PIK3R5: variants seen among roughly 807,000 people sequenced by gnomAD.
PIK3R5 encodes the protein phosphoinositide 3-kinase regulatory subunit 5.
In PIK3R5, 32 loss-of-function variants were observed where a neutral mutation model predicts 94.9. The ratio of observed to expected loss-of-function variants is 0.34; its 90% CI spans 0.25 to 0.45. The LOEUF (loss-of-function observed/expected upper bound fraction) is 0.45. Among genes scored for constraint, PIK3R5 ranks in the 20% least tolerant of loss-of-function variants. The probability of loss-of-function intolerance (pLI) is 1.00; values close to 1 mark genes in which losing one functional copy is unlikely to be tolerated. For missense variants in PIK3R5, 853 were observed against 1,144.6 expected, an observed-to-expected ratio of 0.75 and a Z score of 3.68; for synonymous variants, 443 against 479.4, an observed-to-expected ratio of 0.92 and a Z score of 0.99.
intron 1 of PIK3R5, among the ~76,000 whole-genome samples, chr17:8,938,993 A>G (rs913791978): frequency 6.6e-6 from 1 of 152,190 alleles, no homozygotes; most frequent in Non-Finnish European, 1.5e-5. Flanking sequence ...ATCCTGCTTG[A>G]GTCTTGTGGG....
intron 1 of PIK3R5, among the ~76,000 whole-genome samples, chr17:8,940,551 T>C (rs2091159466): frequency 6.6e-6 from 1 of 151,712 alleles, no homozygotes; most frequent in Non-Finnish European, 1.5e-5. Flanking sequence ...TTTTTGTTTG[T>C]TTGTTTTTTG....
intron 1 of PIK3R5, among the ~76,000 whole-genome samples, chr17:8,963,103 A>G (rs1235590621): frequency 1.3e-5 from 2 of 151,508 alleles, no homozygotes; most frequent in African/African-American, 4.9e-5. Flanking sequence ...TTGGCTTCCC[A>G]AAGTGCTGGG....
chr17:8,932,469 C>T (rs189853412), intron 1 of PIK3R5, among the ~76,000 whole-genome samples: 7 of 151,984 alleles, frequency 4.6e-5, no homozygotes, highest in East Asian at 1.9e-4. Context: ...TCCTGACCTC[C>T]GGTGATCTGC....
chr17:8,894,339 C>T (rs1471071159), intron 5 of PIK3R5, among the ~76,000 whole-genome samples: 1 of 152,190 alleles, frequency 6.6e-6, no homozygotes, highest in Non-Finnish European at 1.5e-5. Flanking sequence ...GGGGTGCCTT[C>T]CCGCTATGCC....
chr17:8,963,668 G>C (rs544425780), intron 1 of PIK3R5, among the ~76,000 whole-genome samples: 1 of 152,030 alleles, frequency 6.6e-6, no homozygotes, highest in Non-Finnish European at 1.5e-5. Flanking sequence ...TTCTCGAGTA[G>C]CTGGGCAACC....
At chr17:8,952,353 G>A (rs943385455) in intron 1 of PIK3R5, among the ~76,000 whole-genome samples, 17 of 152,240 alleles carry the variant, frequency 1.1e-4, no homozygotes, top group African/African-American at 3.9e-4. Flanking sequence ...GTTACAGCTG[G>A]TGGATTTCCC....
At position 8,888,743 on chromosome 17, in the gene PIK3R5, G is replaced by C; in HGVS notation, c.1044C>G (p.Ser348=). Residue 348 remains serine (S), a synonymous_variant, in exon 10 of 19, where the codon TCC becomes TCG. Transcript: ENST00000447110. The surrounding 1 kb of genome is among the most constrained non-coding windows in gnomAD (Gnocchi z 7.8). ...GHCAERDSLL[S]TSSLASHDST... Reference sequence around the variant, plus strand: ...AGTCATGGGACGCCAAAGAGCTGGTGGAGAGCAGGGAATCTCTCTCGGCAC... The same window carrying C: ...AGTCATGGGACGCCAAAGAGCTGGTCGAGAGCAGGGAATCTCTCTCGGCAC... 2 of 1,613,634 alleles carry C rather than the reference G, an allele frequency of 1.2e-6. No individual in the cohort carries two copies. The highest frequency in any genetic ancestry group is 1.7e-6 in the Non-Finnish European group (2 of 1,179,994).
intron 1 of PIK3R5, among the ~76,000 whole-genome samples, chr17:8,954,022 G>A (rs530572170): frequency 3.3e-5 from 5 of 151,050 alleles, no homozygotes; most frequent in Admixed American, 1.3e-4. Flanking sequence ...AATTTCCACC[G>A]CTCTCCCCTT....
At position 8,917,617 on chromosome 17, in the gene PIK3R5, G is replaced by T. The variant is rs997907239; in HGVS notation, c.-13-6110C>A. Among the ~76,000 whole-genome samples the T allele has an allele frequency of 3.3e-5, 5 of 152,336 alleles. No individual in the cohort carries two copies. The East Asian group carries it at 9.6e-4, about 29-fold the overall frequency. On this transcript the variant is annotated intron_variant, in intron 1 of 18. Transcript: ENST00000447110. ...ATGGTGACTCATGCCTGTAATCCCAGCACTTTGGGAGGCCAACGCGGGTGG... is the reference window on the plus strand; with the variant it reads ...ATGGTGACTCATGCCTGTAATCCCATCACTTTGGGAGGCCAACGCGGGTGG...
chr17:8,893,774 C>T lies in PIK3R5; in HGVS notation c.413-119G>A, dbSNP rs1368679607. 3 of 738,626 alleles carry T rather than the reference C, an allele frequency of 4.1e-6. No individual in the cohort carries two copies. The highest frequency in any genetic ancestry group is 2.1e-5 in the Admixed American group (1 of 47,668). The allele number at this position is 738,626 out of a possible 1,614,324, so 45.8% of individuals were successfully genotyped here. A position where few individuals can be genotyped will look rare whatever the true frequency, so the allele number is the denominator to read the frequency against. The stretch of plus-strand genomic sequence containing the variant: ...TGGAAATTCCCGGATGGAGCTCAGG[C>T]GAACCTGCAGAGAAGCTGTTCTGTG... On this transcript the variant is annotated intron_variant, in intron 5 of 18. Transcript: ENST00000447110. The surrounding 1 kb of genome is among the most constrained non-coding windows in gnomAD (Gnocchi z 5.1).
At position 8,896,978 on chromosome 17, in the gene PIK3R5, C is replaced by G. The variant is rs190555652; in HGVS notation, c.413-3323G>C. Among the ~76,000 whole-genome samples the G allele has an allele frequency of 1.5e-3, 229 of 152,310 alleles. No homozygotes were observed. The highest frequency in any genetic ancestry group is 2.8e-3 in the Non-Finnish European group (192 of 68,036). The stretch of plus-strand genomic sequence containing the variant: ...ATGATTAATATCAACTCATGGTGGA[C>G]AGTTTGACCTACCTCATACCCTGAA... On this transcript the variant is annotated intron_variant, in intron 5 of 18. Transcript: ENST00000447110. The surrounding 1 kb of genome is among the most constrained non-coding windows in gnomAD (Gnocchi z 4.0).
intron 5 of PIK3R5, among the ~76,000 whole-genome samples, chr17:8,900,498 C>T (rs1018389170): frequency 2.0e-5 from 3 of 152,214 alleles, no homozygotes; most frequent in Non-Finnish European, 2.9e-5. Flanking sequence ...AGGTTCCTGC[C>T]ATGGGTACTT....
intron 14 of PIK3R5, 100 bp downstream of exon 14, chr17:8,886,129 C>T: frequency 1.1e-6 from 1 of 883,522 alleles, no homozygotes; most frequent in Non-Finnish European, 1.8e-6. Flanking sequence ...ACCCCACCTT[C>T]CCATGGCCCC....
rs762745491 is a variant in PIK3R5 at position 8,887,551 on chromosome 17, C to T, written c.1749G>A (p.Pro583=). The T allele has an allele frequency of 9.0e-5, 145 of 1,607,546 alleles. No individual in the cohort carries two copies. The highest frequency in any genetic ancestry group is 1.1e-4 in the Non-Finnish European group (132 of 1,177,360). The part of the protein sequence containing the change: ...PPPRSQTPSP[P]TDSPRHASPG... ...GGCTGGCGTGCCTAGGGGAGTCTGTCGGGGGTGAGGGCGTCTGGCTCCGAG... is the reference window on the plus strand; with the variant it reads ...GGCTGGCGTGCCTAGGGGAGTCTGTTGGGGGTGAGGGCGTCTGGCTCCGAG... The change falls in exon 11 of 19, where the codon CCG becomes CCA. Residue 583 remains proline, a synonymous_variant. Coordinates refer to ENST00000447110, the MANE Select transcript of PIK3R5 (RefSeq NM_001142633.3).
chr17:8,905,831 CTTTTTT>C, intron 3 of PIK3R5, 94 bp from the exon 4 acceptor site: 2 of 381,346 alleles, frequency 5.2e-6, no homozygotes, highest in Non-Finnish European at 4.5e-6. Flanking sequence ...TCTAGCCTTT[CTTTTTT>C]TTTTTTTTTT....
intron 14 of PIK3R5, 60 bp downstream of exon 14, chr17:8,886,169 C>A: frequency 7.7e-7 from 1 of 1,306,054 alleles, no homozygotes; most frequent in Non-Finnish European, 1.1e-6. Context: ...CTCCACAGAG[C>A]TCCACGTTTC....
rs1369770528 is a variant in PIK3R5 at position 8,889,341 on chromosome 17, G to A, written c.812-119C>T. 3 of 722,118 alleles carry A rather than the reference G, an allele frequency of 4.2e-6. No homozygotes were observed. Among genetic ancestry groups the A allele is most frequent in the Non-Finnish European group, 6.8e-6 (3 of 439,072 alleles). 44.7% of individuals were successfully genotyped at this position (722,118 alleles called of 1,614,324 possible). On this transcript the variant is annotated intron_variant, in intron 8 of 18. Transcript: ENST00000447110. The surrounding 1 kb of genome is among the most constrained non-coding windows in gnomAD (Gnocchi z 4.1). ...TGGGACAGGATCGGCACAAGGATAT[G>A]TAGCTGGATAGGCTGAGGCTGAGTT...
At position 8,955,552 on chromosome 17, in the gene PIK3R5, T is replaced by A. The variant is rs1033221781; in HGVS notation, c.-14+10044A>T. 2.6e-5 allele frequency among the ~76,000 whole-genome samples: 4 copies of A among 152,114 alleles called. No individual in the cohort carries two copies. The East Asian group carries it at 7.7e-4, about 29-fold the overall frequency. ...ATCAAAGTATCTGAACACAGTGACA[T>A]AGAAGTTTTCATAAGAAGAATCTCC... On this transcript the variant is annotated intron_variant, in intron 1 of 18. Transcript: ENST00000447110. The surrounding 1 kb of genome is among the most constrained non-coding windows in gnomAD (Gnocchi z 4.4).
At chr17:8,923,007 G>T (rs899032126) in intron 1 of PIK3R5, among the ~76,000 whole-genome samples, 1 of 152,200 alleles carries the variant, frequency 6.6e-6, no homozygotes, top group South Asian at 2.1e-4. Flanking sequence ...GAAGACCACA[G>T]TTGTGGTCAA....
Sources: gnomAD v4.1 joint callset for allele counts (sites outside exome capture counted in the v4.1 genomes callset) on GRCh38, gnomAD v4.1.1 for gene constraint, Gnocchi (gnomAD v3.1) non-coding constraint, MANE v1.5 for transcripts, NCBI Gene and HGNC (gene_info 2026-07-23, HGNC 2026-07-21) for gene names.